The following ZC2HC1B variants were observed in gnomAD, a reference collection of about 807,000 sequenced individuals.
ZC2HC1B encodes the protein zinc finger C2HC domain-containing protein 1B.
In ZC2HC1B, 36 loss-of-function variants were observed where a neutral mutation model predicts 31.0. That is an observed-to-expected ratio of 1.16 (90% CI 0.89 to 1.54). ZC2HC1B has a LOEUF of 1.54. ZC2HC1B is among the 40% of genes most tolerant of loss of function. ZC2HC1B has a pLI of 0.00. For synonymous variants in ZC2HC1B, 73 were observed against 88.0 expected, an observed-to-expected ratio of 0.83 and a Z score of 0.95; for missense variants, 260 against 268.6, an observed-to-expected ratio of 0.97 and a Z score of 0.22.
chr6:143,896,316 G>C (rs1313493935), intron 4 of ZC2HC1B, among the ~76,000 whole-genome samples: 2 of 152,212 alleles, frequency 1.3e-5, no homozygotes, highest in Admixed American at 1.3e-4. Context: ...GTGGGATTAA[G>C]GAAGCAACTC....
chr6:143,881,803 T>C (rs1463580831), intron 1 of ZC2HC1B: 2 of 152,146 alleles, frequency 1.3e-5, no homozygotes, highest in Non-Finnish European at 1.5e-5. Context: ...CTTCCTTCCT[T>C]ATACTCAAGC....
At position 143,934,705 on chromosome 6, in the gene ZC2HC1B, T is replaced by TA. The variant is rs1333946920; in HGVS notation, c.599-2942dup. On this transcript the variant is annotated intron_variant, in intron 6 of 7. Coordinates refer to ENST00000237275, the MANE Select transcript of ZC2HC1B (RefSeq NM_001013623.3). The surrounding 1 kb of genome is among the most constrained non-coding windows in gnomAD (Gnocchi z 4.6). ...TTGCGTGTCCATGATTTTTTGGCTG[T>TA]AATTACTATCAGTGGTGTCTATGAA... is the stretch of plus-strand genomic sequence containing the variant. Among the ~76,000 whole-genome samples the TA allele has an allele frequency of 6.6e-6, 1 of 152,236 alleles. No homozygotes were observed. Among genetic ancestry groups the TA allele is most frequent in the Non-Finnish European group, 1.5e-5 (1 of 68,048 alleles).
At chr6:143,907,281 C>T (rs1777806987) in intron 6 of ZC2HC1B, among the ~76,000 whole-genome samples, 1 of 151,952 alleles carries the variant, frequency 6.6e-6, no homozygotes, top group Admixed American at 6.6e-5. Context: ...ATTTATATTC[C>T]TTTGGGTATA....
chr6:143,894,956 A>G (rs1777647727), intron 4 of ZC2HC1B, among the ~76,000 whole-genome samples: 2 of 152,144 alleles, frequency 1.3e-5, no homozygotes, highest in South Asian at 2.1e-4. Context: ...CAAATGTTCA[A>G]TTTATTTTTC....
At chr6:143,930,381 CTTTTTTTT>C (rs34308015) in intron 6 of ZC2HC1B, among the ~76,000 whole-genome samples, 1 of 111,772 alleles carries the variant, frequency 8.9e-6, no homozygotes, top group East Asian at 3.0e-4. Context: ...TTGAGAGTTT[CTTTTTTTT>C]TTTTTTTTTT....
intron 6 of ZC2HC1B, among the ~76,000 whole-genome samples, chr6:143,925,536 CTTTT>C (rs36007959): frequency 1.9e-5 from 2 of 104,950 alleles, no homozygotes; most frequent in Non-Finnish European, 1.9e-5. Flanking sequence ...CTTTTCTTTT[CTTTT>C]TTTTTTTTTT....
intron 6 of ZC2HC1B, among the ~76,000 whole-genome samples, chr6:143,928,292 T>C (rs1193951840): frequency 6.6e-6 from 1 of 152,192 alleles, no homozygotes; most frequent in Non-Finnish European, 1.5e-5. Context: ...AATTTTTGTA[T>C]ATGATGACAG....
chr6:143,896,267 G>C (rs892245844), intron 4 of ZC2HC1B, among the ~76,000 whole-genome samples: 2 of 152,180 alleles, frequency 1.3e-5, no homozygotes, highest in African/African-American at 4.8e-5. Flanking sequence ...GTGATATGTA[G>C]TACCAAACAC....
At chr6:143,878,393 G>A (rs117895348) in intron 1 of ZC2HC1B, among the ~76,000 whole-genome samples, 7,454 of 150,404 alleles carry the variant, frequency 0.05, 475 homozygotes, top group South Asian at 0.09. Flanking sequence ...TGGGAGGATC[G>A]CTTGAATCCA....
intron 6 of ZC2HC1B, among the ~76,000 whole-genome samples, chr6:143,909,326 G>C (rs1377040557): frequency 6.6e-6 from 1 of 152,098 alleles, no homozygotes; most frequent in Non-Finnish European, 1.5e-5. Flanking sequence ...GAACCTGGGA[G>C]GCAGAGGTTG....
chr6:143,864,991 G>T (rs1777239101), intron 1 of ZC2HC1B, among the ~76,000 whole-genome samples: 1 of 152,156 alleles, frequency 6.6e-6, no homozygotes, highest in Non-Finnish European at 1.5e-5. Context: ...CAAATTCTGT[G>T]TTATGAGGTG....
intron 6 of ZC2HC1B, among the ~76,000 whole-genome samples, chr6:143,930,131 A>T (rs1268858421): frequency 6.6e-6 from 1 of 151,798 alleles, no homozygotes; most frequent in Non-Finnish European, 1.5e-5. Context: ...TTCTTCTGCT[A>T]GCTTTGGGTT....
chr6:143,893,427 G>C (rs985969696), intron 4 of ZC2HC1B, among the ~76,000 whole-genome samples: 1 of 151,980 alleles, frequency 6.6e-6, no homozygotes, highest in Non-Finnish European at 1.5e-5. Context: ...AATTAGCCAG[G>C]CATGGTGGCT....
At chr6:143,936,899 G>A (rs552538454) in intron 6 of ZC2HC1B, among the ~76,000 whole-genome samples, 1 of 152,166 alleles carries the variant, frequency 6.6e-6, no homozygotes, top group Non-Finnish European at 1.5e-5. Flanking sequence ...ACCAGTTTAT[G>A]TTTCAGTAAA....
At chr6:143,902,599 G>A (rs1777749543) in intron 5 of ZC2HC1B, among the ~76,000 whole-genome samples, 1 of 152,084 alleles carries the variant, frequency 6.6e-6, no homozygotes, top group African/African-American at 2.4e-5. Context: ...GGATGGTGTA[G>A]GGATGTTGGA....
chr6:143,930,192 G>A (rs1778101780), intron 6 of ZC2HC1B, among the ~76,000 whole-genome samples: 1 of 151,620 alleles, frequency 6.6e-6, no homozygotes, highest in Admixed American at 6.6e-5. Context: ...GTTAATTCAG[G>A]ATCTTTCTTT....
chr6:143,919,933 G>A (rs1344261993), intron 6 of ZC2HC1B, among the ~76,000 whole-genome samples: 1 of 152,010 alleles, frequency 6.6e-6, no homozygotes, highest in Non-Finnish European at 1.5e-5. Context: ...CCAGAATTCT[G>A]ACAAGTAATT....
At chr6:143,925,324 C>T (rs902540065) in intron 6 of ZC2HC1B, among the ~76,000 whole-genome samples, 26 of 150,960 alleles carry the variant, frequency 1.7e-4, no homozygotes, top group African/African-American at 6.1e-4. Context: ...TATAGGCACC[C>T]GCCACCATGC....
In ZC2HC1B at chr6:143,926,249, C is replaced by T. The variant is rs148898174; in HGVS notation, c.599-11400C>T. Among the ~76,000 whole-genome samples, 1,320 of 152,222 alleles carry T rather than the reference C, an allele frequency of 8.7e-3. 22 individuals carry two copies. Among genetic ancestry groups the T allele is most frequent in the African/African-American group, 0.027 (1,128 of 41,560 alleles). On this transcript the variant is annotated intron_variant, in intron 6 of 7. Coordinates refer to ENST00000237275, the MANE Select transcript of ZC2HC1B (RefSeq NM_001013623.3). ...TGAAATGTTTCTACTTCTTGATATA[C>T]GCATTTATTGCTATGAAATTCCCTC... is the stretch of plus-strand genomic sequence containing the variant.
Sources: gnomAD v4.1 joint callset for allele counts (sites outside exome capture counted in the v4.1 genomes callset) on GRCh38, gnomAD v4.1.1 for gene constraint, Gnocchi (gnomAD v3.1) non-coding constraint, MANE v1.5 for transcripts, NCBI Gene and HGNC (gene_info 2026-07-23, HGNC 2026-07-21) for gene names.